Variants in ZHX2 observed in about 807,000 individuals in gnomAD.
The protein encoded by ZHX2 is zinc fingers and homeoboxes protein 2.
A neutral mutation model predicts 21.9 loss-of-function variants in ZHX2; 6 were observed. The observed-to-expected ratio is 0.27, with a 90% CI of 0.15 to 0.54. The LOEUF (loss-of-function observed/expected upper bound fraction) is 0.54. Ranked by LOEUF, ZHX2 falls within the 20% of genes least tolerant of loss-of-function variation. The pLI is 0.95. For missense variants in ZHX2, 908 were observed against 1,090.7 expected (o/e 0.83, Z 2.36); for synonymous variants, 434 against 437.1 (o/e 0.99, Z 0.09).
At chr8:122,839,709 G>A (rs1818581263) in intron 1 of ZHX2, among the ~76,000 whole-genome samples, 1 of 152,150 alleles carries the variant, frequency 6.6e-6, no homozygotes, top group African/African-American at 2.4e-5. Flanking sequence ...GCACGGGGTG[G>A]CATGGGATCG....
chr8:122,954,051 G>T, intron 3 of ZHX2, 23 bp downstream of exon 3: 1 of 1,549,254 alleles, frequency 6.5e-7, no homozygotes, highest in Non-Finnish European at 8.7e-7. Flanking sequence ...GCTCACCCAG[G>T]CAGCAGGGGA....
At chr8:122,809,507 C>CAAAAAAAAAGAGAGAAAGG (rs1817884122) in intron 1 of ZHX2, among the ~76,000 whole-genome samples, 3 of 140,482 alleles carry the variant, frequency 2.1e-5, no homozygotes, top group African/African-American at 8.0e-5. Context: ...CTCAAAAGAA[C>CAAAAAAAAAGAGAGAAAGG]AAAAAAAAAG....
intron 3 of ZHX2, among the ~76,000 whole-genome samples, chr8:122,959,813 G>A (rs377195200): frequency 6.6e-6 from 1 of 152,280 alleles, no homozygotes; most frequent in East Asian, 1.9e-4. Context: ...TGCCTAACAG[G>A]GAGTTAACTG....
chr8:122,958,071 T>C (rs886329557), intron 3 of ZHX2, among the ~76,000 whole-genome samples: 2 of 152,238 alleles, frequency 1.3e-5, no homozygotes, highest in African/African-American at 4.8e-5. Flanking sequence ...AAAAGTGTTA[T>C]GTGATGCACA....
At chr8:122,814,730 A>G (rs1242544171) in intron 1 of ZHX2, among the ~76,000 whole-genome samples, 1 of 152,248 alleles carries the variant, frequency 6.6e-6, no homozygotes, top group African/African-American at 2.4e-5. Context: ...AGACACTGCC[A>G]TCTCTCAATT....
At chr8:122,781,015 C>T (rs889810742), upstream of ZHX2, 8 of 152,244 alleles carry the variant, frequency 5.3e-5, no homozygotes, top group Non-Finnish European at 1.2e-4. The surrounding 1 kb of genome is among the most constrained non-coding windows in gnomAD (Gnocchi z 4.6). Flanking sequence ...TCCTTCTTCC[C>T]CTCCCTACGC....
chr8:122,951,877 G>T lies in ZHX2; in HGVS notation c.367G>T (p.Asp123Tyr). 5 of 1,613,984 alleles carry T rather than the reference G, an allele frequency of 3.1e-6. No homozygotes were observed. Among genetic ancestry groups the T allele is most frequent in the South Asian group, 1.1e-5 (1 of 91,068 alleles). ...AECNFTTKKYDSLSDHNSKFH... is the reference protein window; with the variant it reads ...AECNFTTKKYYSLSDHNSKFH... ...ATGTAACTTCACAACCAAAAAGTACGACTCCCTATCCGACCACAACTCCAA... is the reference window on the plus strand; with the variant it reads ...ATGTAACTTCACAACCAAAAAGTACTACTCCCTATCCGACCACAACTCCAA... The change falls in exon 3 of 4, where the codon GAC becomes TAC. Residue 123 changes from aspartate to tyrosine, a missense_variant. This residue lies in a region of ZHX2 where 220 missense variants were observed against 251.4 expected (regional missense o/e 0.88). Transcript: ENST00000314393.
chr8:122,954,151 T>C (rs1813233686), intron 3 of ZHX2, 123 bp downstream of exon 3: 1 of 855,332 alleles, frequency 1.2e-6, no homozygotes, highest in Non-Finnish European at 1.7e-6. Context: ...CTTTTTCTTG[T>C]AATTAACAAA....
chr8:122,849,241 T>A (rs1475919506), intron 1 of ZHX2, among the ~76,000 whole-genome samples: 2 of 152,138 alleles, frequency 1.3e-5, no homozygotes, highest in Non-Finnish European at 2.9e-5. Context: ...CCATTGGAGA[T>A]GTGAAGTTGA....
chr8:122,960,405 G>T (rs1382757940), intron 3 of ZHX2, among the ~76,000 whole-genome samples: 1 of 152,066 alleles, frequency 6.6e-6, no homozygotes, highest in Non-Finnish European at 1.5e-5. Flanking sequence ...TGGTATAGTG[G>T]TGCATGCCTG....
chr8:122,948,169 C>T (rs1009029208), intron 2 of ZHX2, among the ~76,000 whole-genome samples: 1 of 152,106 alleles, frequency 6.6e-6, no homozygotes, highest in African/African-American at 2.4e-5. Context: ...TGGGCCTAGA[C>T]TCTCAGAGTT....
chr8:122,945,436 C>CAAAAAAAAAAA lies in ZHX2; in HGVS notation c.-219-5839_-219-5829dup, dbSNP rs60890533. 5.0e-4 allele frequency among the ~76,000 whole-genome samples: 37 copies of CAAAAAAAAAAA among 73,670 alleles called. 6 individuals carry two copies. The highest frequency in any genetic ancestry group is 8.2e-3 in the Middle Eastern group (1 of 122). The allele number at this position is 73,670 out of a possible 152,430, so 48.3% of individuals were successfully genotyped here. On this transcript the variant is annotated intron_variant, in intron 2 of 3. Coordinates refer to ENST00000314393, the MANE Select transcript of ZHX2 (RefSeq NM_014943.5). ...CTCTTTTATATAAACCCTGTCTCTG[C>CAAAAAAAAAAA]AAAAAAAAAAAAAAAAAAAAAAAAA...
chr8:122,830,100 A>G (rs2130669482), intron 1 of ZHX2, among the ~76,000 whole-genome samples: 1 of 152,320 alleles, frequency 6.6e-6, no homozygotes, highest in African/African-American at 2.4e-5. Flanking sequence ...GCCGACAGAC[A>G]ACAGGAGGCG....
intron 2 of ZHX2, among the ~76,000 whole-genome samples, chr8:122,923,943 T>C (rs1325472689): frequency 2.0e-5 from 3 of 152,194 alleles, no homozygotes; most frequent in East Asian, 1.9e-4. Flanking sequence ...ATATAAGGCA[T>C]TTCCATCCCA....
At chr8:122,802,514 C>T (rs1817739104) in intron 1 of ZHX2, among the ~76,000 whole-genome samples, 1 of 152,162 alleles carries the variant, frequency 6.6e-6, no homozygotes, top group Admixed American at 6.5e-5. Context: ...CTTTCTGGAC[C>T]TTGTATGTAA....
At chr8:122,944,321 C>A (rs1170963031) in intron 2 of ZHX2, among the ~76,000 whole-genome samples, 1 of 152,158 alleles carries the variant, frequency 6.6e-6, no homozygotes, top group Non-Finnish European at 1.5e-5. Flanking sequence ...TGTGAAGACT[C>A]ACCAAGAAAG....
chr8:122,952,819 C>G lies in ZHX2; in HGVS notation c.1309C>G (p.Pro437Ala), dbSNP rs1352134387. 1.9e-6 allele frequency: 3 copies of G among 1,613,992 alleles called. No individual in the cohort carries two copies. Residue 437 changes from proline to alanine, a missense_variant, in exon 3 of 4, where the codon CCG becomes GCG. By Grantham distance (27) the Pro-to-Ala change is conservative. This residue lies in a region of ZHX2 where 232 missense variants were observed against 361.8 expected (regional missense o/e 0.64). Coordinates refer to ENST00000314393, the MANE Select transcript of ZHX2 (RefSeq NM_014943.5). The surrounding 1 kb of genome is among the most constrained non-coding windows in gnomAD (Gnocchi z 6.9). ...PEPPPKVANP[P>A]LTPASDRKKT... ...GCCCCCACCCAAGGTGGCCAACCCC[C>G]CGCTCACACCAGCCAGTGACCGCAA...
At chr8:122,788,092 C>A (rs1036042608) in intron 1 of ZHX2, among the ~76,000 whole-genome samples, 2 of 152,214 alleles carry the variant, frequency 1.3e-5, no homozygotes, top group African/African-American at 4.8e-5. Context: ...TCCCCACATA[C>A]CCAGACACAG....
chr8:122,788,481 C>T (rs549876826), intron 1 of ZHX2, among the ~76,000 whole-genome samples: 43 of 152,156 alleles, frequency 2.8e-4, no homozygotes, highest in Non-Finnish European at 4.7e-4. Context: ...GCAGGAGGAT[C>T]GCTTGAGCCC....
Sources: gnomAD v4.1 joint callset for allele counts (sites outside exome capture counted in the v4.1 genomes callset) on GRCh38, gnomAD v4.1.1 for gene constraint, gnomAD v4.1.1 regional missense constraint, Gnocchi (gnomAD v3.1) non-coding constraint, MANE v1.5 for transcripts, NCBI Gene and HGNC (gene_info 2026-07-23, HGNC 2026-07-21) for gene names.